The following SNX24 variants were observed in gnomAD, a reference collection of about 807,000 sequenced individuals.
SNX24 encodes sorting nexin-24.
In SNX24, 22 loss-of-function variants were observed where a neutral mutation model predicts 28.7. The ratio of observed to expected loss-of-function variants is 0.77; its 90% CI spans 0.55 to 1.10. The LOEUF is 1.10. Among genes scored for constraint, SNX24 ranks in the 50% least tolerant of loss-of-function variants. SNX24 has a pLI of 0.00. For missense variants in SNX24, 221 were observed against 201.1 expected (o/e 1.10, Z -0.60); for synonymous variants, 69 against 71.5 (o/e 0.96, Z 0.18).
chr5:122,857,107 G>A (rs865934066), intron 1 of SNX24, among the ~76,000 whole-genome samples: 1 of 151,878 alleles, frequency 6.6e-6, no homozygotes, highest in South Asian at 2.1e-4. Flanking sequence ...CGCCTCCCGG[G>A]TTCAAGCAAT....
intron 1 of SNX24, among the ~76,000 whole-genome samples, chr5:122,871,893 T>A (rs538622951): frequency 2.8e-4 from 42 of 152,240 alleles, no homozygotes; most frequent in African/African-American, 9.6e-4. Context: ...TCGTGACTAG[T>A]CAGGGAACTT....
At chr5:123,025,687 G>A (rs2150188439) in intron 5 of SNX24, 2 of 1,269,964 alleles carry the variant, frequency 1.6e-6, no homozygotes, top group East Asian at 5.0e-5. Flanking sequence ...CTATATAATG[G>A]ATCTCTAACA....
intron 5 of SNX24, among the ~76,000 whole-genome samples, chr5:123,021,867 C>G (rs1326443268): frequency 6.6e-6 from 1 of 152,002 alleles, no homozygotes; most frequent in Non-Finnish European, 1.5e-5. Flanking sequence ...TATCTTGGGA[C>G]CTTCATATTT....
chr5:122,885,459 A>C (rs954377656), intron 1 of SNX24, among the ~76,000 whole-genome samples: 1 of 152,076 alleles, frequency 6.6e-6, no homozygotes, highest in African/African-American at 2.4e-5. Context: ...TCTTTTGTAC[A>C]TGCTTTGAGA....
intron 1 of SNX24, among the ~76,000 whole-genome samples, chr5:122,930,277 C>T (rs914803629): frequency 1.3e-5 from 2 of 152,178 alleles, no homozygotes; most frequent in African/African-American, 2.4e-5. Context: ...TCTACACCTT[C>T]AGTAAGTTTT....
chr5:122,876,628 G>A (rs1287115131), intron 1 of SNX24, among the ~76,000 whole-genome samples: 1 of 152,200 alleles, frequency 6.6e-6, no homozygotes, highest in Non-Finnish European at 1.5e-5. Flanking sequence ...TATCAAGTAT[G>A]ATTCTATACC....
At chr5:122,990,429 C>T (rs1271703253) in intron 3 of SNX24, among the ~76,000 whole-genome samples, 1 of 152,142 alleles carries the variant, frequency 6.6e-6, no homozygotes, top group Non-Finnish European at 1.5e-5. Context: ...CTAGAAAGTC[C>T]TCATCTATCT....
At chr5:123,002,650 C>T (rs780249840) in intron 6 of SNX24, among the ~76,000 whole-genome samples, 3 of 152,130 alleles carry the variant, frequency 2.0e-5, no homozygotes, top group Admixed American at 6.5e-5. Flanking sequence ...GCCTCTTCCC[C>T]GAAACTATGT....
rs774657218 is a variant in SNX24, at chr5:123,008,463, C to T, written c.*714C>T. On this transcript the variant is annotated 3_prime_UTR_variant, in exon 7 of 7. Transcript: ENST00000261369. ...ATGTTGGAAACCTGTACATCCACAA[C>T]AAGTAGCTTTTCCTCCTATGTTGGA... 5.5e-6 allele frequency: 1 copy of T among 181,884 alleles called. No homozygotes were observed. Among genetic ancestry groups the T allele is most frequent in the African/African-American group, 2.4e-5 (1 of 40,924 alleles). The allele number at this position is 181,884 out of a possible 1,614,324, so 11.3% of individuals were successfully genotyped here.
intron 2 of SNX24, among the ~76,000 whole-genome samples, chr5:122,945,024 T>C (rs1759622924): frequency 6.6e-6 from 1 of 152,218 alleles, no homozygotes; most frequent in African/African-American, 2.4e-5. Context: ...ATTTATTGTC[T>C]TACACTTCCT....
At chr5:122,906,751 G>T (rs1346946584) in intron 1 of SNX24, among the ~76,000 whole-genome samples, 1 of 152,094 alleles carries the variant, frequency 6.6e-6, no homozygotes, top group African/African-American at 2.4e-5. Context: ...CAGGTGATCC[G>T]CCCGCCTCGG....
intron 1 of SNX24, among the ~76,000 whole-genome samples, chr5:122,907,477 C>T (rs978699698): frequency 6.6e-6 from 1 of 152,084 alleles, no homozygotes; most frequent in Non-Finnish European, 1.5e-5. Flanking sequence ...CTAGGAGTCA[C>T]GGGGCTGGTA....
At chr5:122,973,306 A>G (rs1038013121) in intron 3 of SNX24, among the ~76,000 whole-genome samples, 1 of 152,220 alleles carries the variant, frequency 6.6e-6, no homozygotes, top group African/African-American at 2.4e-5. Flanking sequence ...CCTCCCATGC[A>G]AAGTGTACAG....
intron 3 of SNX24, among the ~76,000 whole-genome samples, chr5:122,978,525 A>G (rs913898374): frequency 2.6e-5 from 4 of 152,212 alleles, no homozygotes; most frequent in African/African-American, 9.6e-5. Flanking sequence ...GGAGATATCC[A>G]GTTAAAATGG....
At chr5:122,849,974 C>T (rs755028261) in intron 1 of SNX24, among the ~76,000 whole-genome samples, 4 of 151,980 alleles carry the variant, frequency 2.6e-5, no homozygotes, top group Non-Finnish European at 5.9e-5. Flanking sequence ...CAGGATTGTG[C>T]GAAGTGATTG....
intron 2 of SNX24, among the ~76,000 whole-genome samples, chr5:122,939,333 G>A (rs1271483048): frequency 6.6e-6 from 1 of 152,066 alleles, no homozygotes; most frequent in Non-Finnish European, 1.5e-5. Context: ...GTTTTAATAG[G>A]TGTTTCTTAG....
intron 1 of SNX24, among the ~76,000 whole-genome samples, chr5:122,885,215 A>C (rs578209782): frequency 6.6e-6 from 1 of 152,004 alleles, no homozygotes; most frequent in South Asian, 2.1e-4. Flanking sequence ...GGGGCTTCCC[A>C]TTTTTCTTGG....
intron 1 of SNX24, among the ~76,000 whole-genome samples, chr5:122,874,703 TG>T (rs1756145890): frequency 1.3e-5 from 2 of 152,198 alleles, no homozygotes; most frequent in Admixed American, 1.3e-4. Flanking sequence ...TTGAGCTTTT[TG>T]GGAGGAAGGA....
At chr5:122,953,563 C>T (rs2150131780) in intron 3 of SNX24, among the ~76,000 whole-genome samples, 2 of 151,036 alleles carry the variant, frequency 1.3e-5, no homozygotes, top group Middle Eastern at 3.5e-3. Context: ...GGTTGAGCTT[C>T]AGTCATGGCT....
Sources: gnomAD v4.1 joint callset for allele counts (sites outside exome capture counted in the v4.1 genomes callset) on GRCh38, gnomAD v4.1.1 for gene constraint, MANE v1.5 for transcripts, NCBI Gene and HGNC (gene_info 2026-07-23, HGNC 2026-07-21) for gene names.